Variants in RAD54B observed in about 807,000 individuals in gnomAD.
RAD54B encodes the protein DNA repair and recombination protein RAD54B.
In RAD54B, 78 loss-of-function variants were observed where a neutral mutation model predicts 95.8. The ratio of observed to expected loss-of-function variants is 0.81; its 90% CI spans 0.68 to 0.98. The LOEUF is 0.98. Among genes scored for constraint, RAD54B ranks in the 50% least tolerant of loss-of-function variants. RAD54B has a pLI of 0.00. For synonymous variants in RAD54B, 328 were observed against 354.9 expected (o/e 0.92, Z 0.85); for missense variants, 957 against 1,056.6 (o/e 0.91, Z 1.31).
chr8:94,433,618 A>C (rs892012838), intron 3 of RAD54B, among the ~76,000 whole-genome samples: 1 of 152,042 alleles, frequency 6.6e-6, no homozygotes, highest in Non-Finnish European at 1.5e-5. Context: ...TTATAAATGC[A>C]ATAAACCTTA....
chr8:94,436,878 C>A, intron 3 of RAD54B: 2 of 1,500,590 alleles, frequency 1.3e-6, no homozygotes, highest in South Asian at 2.7e-5. Flanking sequence ...TTGTTCTTTT[C>A]AAATTAAGTA....
chr8:94,400,430 A>T lies in RAD54B; in HGVS notation c.978T>A (p.Asp326Glu). The T allele has an allele frequency of 6.2e-7, 1 of 1,612,856 alleles. No individual in the cohort carries two copies. The change falls in exon 7 of 15, where the codon GAT becomes GAA. Residue 326 changes from aspartate (D) to glutamate (E), a missense_variant. Physicochemically the swap from Asp to Glu is conservative, Grantham distance 45 (BLOSUM62 2). Transcript: ENST00000336148. ...GCAATGTCTTCCCTAAACCCATTTCATCAGCAAGAATAGCTCCACATCTGC... is the reference window on the plus strand; with the variant it reads ...GCAATGTCTTCCCTAAACCCATTTCTTCAGCAAGAATAGCTCCACATCTGC... ...MNGRCGAILA[D>E]EMGLGKTLQC...
intron 3 of RAD54B, among the ~76,000 whole-genome samples, chr8:94,437,192 A>T (rs1812288473): frequency 6.6e-6 from 1 of 152,252 alleles, no homozygotes; most frequent in African/African-American, 2.4e-5. Context: ...GAACACAGCT[A>T]AAAATTAGCT....
intron 11 of RAD54B, among the ~76,000 whole-genome samples, chr8:94,386,610 T>C (rs1810896526): frequency 6.7e-6 from 1 of 149,828 alleles, no homozygotes; most frequent in Non-Finnish European, 1.5e-5. Flanking sequence ...GTGTGTGCAA[T>C]AGTTGAAAGT....
chr8:94,409,596 C>T (rs1228165682), intron 4 of RAD54B, among the ~76,000 whole-genome samples: 1 of 151,972 alleles, frequency 6.6e-6, no homozygotes, highest in East Asian at 1.9e-4. Context: ...TCGAACTTAG[C>T]CTCAAGCAAT....
rs1812061729 is a variant in RAD54B, at chr8:94,430,410, A to C, written c.305-19095T>G. 4 of 985,370 alleles carry C rather than the reference A, an allele frequency of 4.1e-6. No homozygotes were observed. In the South Asian group the frequency reaches 1.9e-4, roughly 46 times the overall value. 61.0% of individuals were successfully genotyped at this position (985,370 alleles called of 1,614,324 possible). A position where few individuals can be genotyped will look rare whatever the true frequency, so the allele number is the denominator to read the frequency against. On this transcript the variant is annotated intron_variant, in intron 3 of 14. Coordinates refer to ENST00000336148, the MANE Select transcript of RAD54B (RefSeq NM_012415.3). ...TTCACTTTCAACTACTCTTCGACAA[A>C]AATTTTGAGACTAGTATGATTTAGG...
chr8:94,436,549 A>C, intron 3 of RAD54B: 1 of 1,550,398 alleles, frequency 6.4e-7, no homozygotes, highest in Non-Finnish European at 8.7e-7. Flanking sequence ...CTGGGGAATC[A>C]TCTCCATAAC....
At chr8:94,464,828 G>C (rs965092343) in intron 2 of RAD54B, among the ~76,000 whole-genome samples, 2 of 152,110 alleles carry the variant, frequency 1.3e-5, no homozygotes, top group Admixed American at 1.3e-4. Context: ...TTTCTGATGA[G>C]AGCCTCCAGA....
intron 3 of RAD54B, among the ~76,000 whole-genome samples, chr8:94,419,504 G>T (rs191498740): frequency 6.6e-6 from 1 of 151,536 alleles, no homozygotes; most frequent in Non-Finnish European, 1.5e-5. Flanking sequence ...GCGAAACTCC[G>T]TCTCAAAAAA....
At chr8:94,463,695 T>A (rs180770728) in intron 2 of RAD54B, among the ~76,000 whole-genome samples, 1 of 151,874 alleles carries the variant, frequency 6.6e-6, no homozygotes. Context: ...CTGGGCAACA[T>A]AGGCAGACCC....
At chr8:94,465,960 A>G (rs1813014379) in intron 2 of RAD54B, among the ~76,000 whole-genome samples, 1 of 152,246 alleles carries the variant, frequency 6.6e-6, no homozygotes, top group Non-Finnish European at 1.5e-5. Context: ...TAGGGCAGTC[A>G]GATTTATAGA....
intron 3 of RAD54B, chr8:94,431,715 G>C (rs1242830086): frequency 1.0e-6 from 1 of 985,632 alleles, no homozygotes; most frequent in African/African-American, 1.7e-5. Context: ...ATGTCATACA[G>C]ACAAGCTTCT....
At chr8:94,467,368 C>T in intron 2 of RAD54B, 37 bp downstream of exon 2, 3 of 1,512,934 alleles carry the variant, frequency 2.0e-6, no homozygotes, top group Non-Finnish European at 2.7e-6. Flanking sequence ...ACATGCTTCT[C>T]TATATTATCT....
At chr8:94,420,417 G>A (rs558721870) in intron 3 of RAD54B, among the ~76,000 whole-genome samples, 7 of 151,396 alleles carry the variant, frequency 4.6e-5, no homozygotes, top group African/African-American at 7.3e-5. Flanking sequence ...CACCAAGCCC[G>A]GCTAATTTTT....
intron 3 of RAD54B, among the ~76,000 whole-genome samples, chr8:94,416,800 A>G (rs898918263): frequency 6.6e-6 from 1 of 152,310 alleles, no homozygotes; most frequent in Admixed American, 6.5e-5. Flanking sequence ...AAAATGGTGC[A>G]GCACTTTGGA....
chr8:94,463,822 G>A (rs1191585903), intron 2 of RAD54B, among the ~76,000 whole-genome samples: 1 of 150,156 alleles, frequency 6.7e-6, no homozygotes, highest in Non-Finnish European at 1.5e-5. Context: ...GATGGAGGTG[G>A]GAGGATCACT....
At chr8:94,391,577 C>T (rs765292287) in intron 10 of RAD54B, 32 bp downstream of exon 10, 2 of 1,594,326 alleles carry the variant, frequency 1.3e-6, no homozygotes, top group Non-Finnish European at 1.7e-6. Flanking sequence ...ACCCTCATAT[C>T]CCTGACACAG....
In RAD54B at chr8:94,415,137, C is replaced by T. The variant is rs546396423; in HGVS notation, c.305-3822G>A. Among the ~76,000 whole-genome samples, 59 of 151,988 alleles carry T rather than the reference C, an allele frequency of 3.9e-4. 1 individual carries two copies. The East Asian group carries it at 0.01, about 27-fold the overall frequency. On this transcript the variant is annotated intron_variant, in intron 3 of 14. Transcript: ENST00000336148. ...AACTATACTACAAGGCTACAGTAAC[C>T]GAAACAGCATGGTACTGGTACCAAA...
intron 14 of RAD54B, among the ~76,000 whole-genome samples, chr8:94,377,545 GAAAAAAAAAAAA>G (rs71273330): frequency 4.3e-5 from 3 of 70,584 alleles, no homozygotes; most frequent in Admixed American, 1.5e-4. Context: ...CCCTGTCTTG[GAAAAAAAAAAAA>G]AAAAAAAAAA....
Sources: gnomAD v4.1 joint callset for allele counts (sites outside exome capture counted in the v4.1 genomes callset) on GRCh38, gnomAD v4.1.1 for gene constraint, MANE v1.5 for transcripts, NCBI Gene and HGNC (gene_info 2026-07-23, HGNC 2026-07-21) for gene names.